SUGCT: variants seen among roughly 807,000 people sequenced by gnomAD.
SUGCT encodes succinyl-CoA:glutarate CoA-transferase.
In SUGCT, 41 loss-of-function variants were observed where a neutral mutation model predicts 55.0. The ratio of observed to expected loss-of-function variants is 0.74; its 90% CI spans 0.58 to 0.97. The LOEUF (loss-of-function observed/expected upper bound fraction) is 0.97. SUGCT is among the 50% of genes least tolerant of loss of function. The pLI is 0.00. For missense variants in SUGCT, 568 were observed against 547.8 expected (o/e 1.04, Z -0.37); for synonymous variants, 187 against 200.4 (o/e 0.93, Z 0.56).
chr7:40,881,158 C>T, the SUGCT span, among the ~76,000 whole-genome samples: 1 of 152,120 alleles, frequency 6.6e-6, no homozygotes, highest in African/African-American at 2.4e-5. Flanking sequence ...ACATGTTCTC[C>T]CATGTTCTCA....
intron 9 of SUGCT, among the ~76,000 whole-genome samples, chr7:40,335,587 C>T (rs1313407007): frequency 1.3e-5 from 2 of 152,112 alleles, no homozygotes; most frequent in East Asian, 1.9e-4. Flanking sequence ...GTAATTTTTG[C>T]ACATTGATTT....
In SUGCT at chr7:40,257,823, G is replaced by A. The variant is rs757310067; in HGVS notation, c.577-16690G>A. Among the ~76,000 whole-genome samples the A allele has an allele frequency of 9.2e-4, 140 of 152,184 alleles. 1 individual carries two copies. The highest frequency in any genetic ancestry group is 1.6e-3 in the Non-Finnish European group (110 of 68,014). ...CGGGAGGTGGAGGTTGTAGTGAGCCGAGATCATGCCACTGTACTCTAGCCT... is the reference window on the plus strand; with the variant it reads ...CGGGAGGTGGAGGTTGTAGTGAGCCAAGATCATGCCACTGTACTCTAGCCT... On this transcript the variant is annotated intron_variant, in intron 7 of 13. Coordinates refer to ENST00000335693, the MANE Select transcript of SUGCT (RefSeq NM_001193313.2).
intron 8 of SUGCT, among the ~76,000 whole-genome samples, chr7:40,302,018 T>A (rs1447097018): frequency 6.6e-6 from 1 of 152,206 alleles, no homozygotes; most frequent in Non-Finnish European, 1.5e-5. Flanking sequence ...TTTACTTGAT[T>A]CCATTTTTGG....
chr7:40,160,000 C>G (rs1369448028), intron 1 of SUGCT, among the ~76,000 whole-genome samples: 1 of 152,118 alleles, frequency 6.6e-6, no homozygotes, highest in Non-Finnish European at 1.5e-5. Flanking sequence ...ATATGGCCTT[C>G]CATGAGAGCA....
chr7:40,857,204 C>G (rs1349362965), intron 13 of SUGCT, among the ~76,000 whole-genome samples: 1 of 152,128 alleles, frequency 6.6e-6, no homozygotes, highest in Non-Finnish European at 1.5e-5. Context: ...TTCTTTGGAC[C>G]TTCGATATAA....
intron 1 of SUGCT, among the ~76,000 whole-genome samples, chr7:40,172,506 G>A (rs565699474): frequency 2.0e-5 from 3 of 152,284 alleles, no homozygotes; most frequent in African/African-American, 7.2e-5. Context: ...AAAGTCTGAA[G>A]CATTAGTACC....
At chr7:40,582,336 T>A (rs1157757310) in intron 12 of SUGCT, among the ~76,000 whole-genome samples, 1 of 152,158 alleles carries the variant, frequency 6.6e-6, no homozygotes, top group Non-Finnish European at 1.5e-5. Context: ...ATTAACAAAT[T>A]GTGTACTGGT....
chr7:40,360,875 C>T (rs1218830463), intron 9 of SUGCT, among the ~76,000 whole-genome samples: 5 of 151,926 alleles, frequency 3.3e-5, no homozygotes, highest in Admixed American at 6.6e-5. Flanking sequence ...GTGGAACAAG[C>T]AAAGATTGTG....
At chr7:40,896,229 A>T in the SUGCT span, among the ~76,000 whole-genome samples, 4 of 152,322 alleles carry the variant, frequency 2.6e-5, no homozygotes, top group African/African-American at 9.6e-5. Flanking sequence ...TAAGAAAACA[A>T]TCCCATTTAT....
At chr7:40,676,438 A>G (rs1338849198) in intron 12 of SUGCT, among the ~76,000 whole-genome samples, 2 of 151,852 alleles carry the variant, frequency 1.3e-5, no homozygotes, top group Non-Finnish European at 2.9e-5. Context: ...CATAATGTTT[A>G]CTTGGGTGTT....
At chr7:40,137,573 C>A (rs574762912) in intron 1 of SUGCT, among the ~76,000 whole-genome samples, 1 of 152,176 alleles carries the variant, frequency 6.6e-6, no homozygotes, top group Non-Finnish European at 1.5e-5. Flanking sequence ...AAAAGCCATG[C>A]TCTTTTTAAG....
At chr7:40,587,878 A>G (rs1797476225) in intron 12 of SUGCT, among the ~76,000 whole-genome samples, 1 of 149,560 alleles carries the variant, frequency 6.7e-6, no homozygotes, top group South Asian at 2.1e-4. Context: ...TCCTCCTTTT[A>G]TATTTCTTTT....
the SUGCT span, among the ~76,000 whole-genome samples, chr7:41,018,789 T>C: frequency 6.6e-6 from 1 of 152,256 alleles, no homozygotes; most frequent in Non-Finnish European, 1.5e-5. Flanking sequence ...TATTTTTCAA[T>C]TGTTGACAAT....
intron 6 of SUGCT, among the ~76,000 whole-genome samples, chr7:40,202,053 A>G (rs1179416725): frequency 2.0e-5 from 3 of 152,050 alleles, no homozygotes; most frequent in Non-Finnish European, 4.4e-5. Flanking sequence ...GGCTCACTGC[A>G]ACCTCTGCTT....
chr7:40,567,242 G>A (rs73689820), intron 12 of SUGCT, among the ~76,000 whole-genome samples: 3,303 of 152,282 alleles, frequency 0.022, 118 homozygotes, highest in African/African-American at 0.072. Flanking sequence ...CTTAAAGCAG[G>A]TTTTCTTCAA....
intron 11 of SUGCT, among the ~76,000 whole-genome samples, chr7:40,476,349 C>T (rs1459328805): frequency 6.6e-6 from 1 of 152,104 alleles, no homozygotes; most frequent in Admixed American, 6.5e-5. Flanking sequence ...GCACCACATA[C>T]TCTCTATTAA....
At chr7:40,775,039 A>C (rs1411730867) in intron 13 of SUGCT, among the ~76,000 whole-genome samples, 1 of 152,244 alleles carries the variant, frequency 6.6e-6, no homozygotes, top group Non-Finnish European at 1.5e-5. Flanking sequence ...ACTGCTTACC[A>C]TGCTATGGAA....
chr7:40,237,517 C>T (rs1392156228), intron 6 of SUGCT, 118 bp from the exon 7 acceptor site: 5 of 792,168 alleles, frequency 6.3e-6, no homozygotes, highest in Non-Finnish European at 1.1e-5. Context: ...TGGTATAGAT[C>T]TAATAGTCTC....
At chr7:40,480,765 T>C (rs1408155214) in intron 11 of SUGCT, among the ~76,000 whole-genome samples, 1 of 152,150 alleles carries the variant, frequency 6.6e-6, no homozygotes, top group Non-Finnish European at 1.5e-5. Flanking sequence ...TTTTATTTTT[T>C]GTTACTACTG....
Sources: gnomAD v4.1 joint callset for allele counts (sites outside exome capture counted in the v4.1 genomes callset) on GRCh38, gnomAD v4.1.1 for gene constraint, MANE v1.5 for transcripts, NCBI Gene and HGNC (gene_info 2026-07-23, HGNC 2026-07-21) for gene names.